The following KALRN variants were observed in gnomAD, a reference collection of about 807,000 sequenced individuals.
The protein encoded by KALRN is kalirin RhoGEF kinase, also known as kalirin.
A neutral mutation model predicts 353.7 loss-of-function variants in KALRN; 70 were observed. The ratio of observed to expected loss-of-function variants is 0.20; its 90% CI spans 0.16 to 0.24. The LOEUF (loss-of-function observed/expected upper bound fraction) is 0.24. KALRN is among the 10% of genes least tolerant of loss of function. The pLI is 1.00. For missense variants in KALRN, 2,791 were observed against 3,756.7 expected, an observed-to-expected ratio of 0.74 and a Z score of 6.72; for synonymous variants, 1,391 against 1,434.8, an observed-to-expected ratio of 0.97 and a Z score of 0.69.
chr3:124,395,054 T>G, intron 11 of KALRN, 81 bp from the exon 12 acceptor site: 1 of 1,077,548 alleles, frequency 9.3e-7, no homozygotes, highest in African/African-American at 1.5e-5. Flanking sequence ...GTTGGGTGAT[T>G]CCAGTCTAGC....
intron 14 of KALRN, among the ~76,000 whole-genome samples, chr3:124,415,103 G>C (rs561580414): frequency 1.3e-5 from 2 of 152,326 alleles, no homozygotes; most frequent in African/African-American, 4.8e-5. Flanking sequence ...ACCCAGGCCT[G>C]TTTCACAGGT....
At chr3:124,286,130 T>TCTTTCTTTCTTTC (rs1560463497) in intron 5 of KALRN, among the ~76,000 whole-genome samples, 1 of 149,526 alleles carries the variant, frequency 6.7e-6, no homozygotes, top group South Asian at 2.1e-4. Flanking sequence ...TTTCTTTCTT[T>TCTTTCTTTCTTTC]CTTTCTTTCC....
At chr3:124,238,719 G>C (rs1579860724) in intron 3 of KALRN, among the ~76,000 whole-genome samples, 1 of 152,190 alleles carries the variant, frequency 6.6e-6, no homozygotes, top group African/African-American at 2.4e-5. Flanking sequence ...TTCGACTCCA[G>C]GTGGAAATTT....
At chr3:124,376,733 C>G (rs1019581463) in intron 10 of KALRN, among the ~76,000 whole-genome samples, 1 of 152,128 alleles carries the variant, frequency 6.6e-6, no homozygotes, top group African/African-American at 2.4e-5. Flanking sequence ...AAATGTGACA[C>G]CTTACTGCTG....
At chr3:124,533,322 C>T (rs2068216010) in intron 33 of KALRN, among the ~76,000 whole-genome samples, 1 of 152,110 alleles carries the variant, frequency 6.6e-6, no homozygotes, top group African/African-American at 2.4e-5. Flanking sequence ...TTTTCTCTCT[C>T]ATTTATTTAT....
intron 15 of KALRN, among the ~76,000 whole-genome samples, chr3:124,429,633 T>G (rs1015898364): frequency 6.6e-5 from 10 of 152,212 alleles, no homozygotes; most frequent in African/African-American, 9.6e-5. Flanking sequence ...CTGACTTTAT[T>G]AGCTGGATAA....
chr3:124,185,579 T>G (rs2074118093), intron 1 of KALRN, among the ~76,000 whole-genome samples: 1 of 152,250 alleles, frequency 6.6e-6, no homozygotes, highest in Non-Finnish European at 1.5e-5. Flanking sequence ...CAGGTCTGTC[T>G]GGTGCTGACT....
At chr3:124,706,885 A>G (rs569214163) in intron 57 of KALRN, among the ~76,000 whole-genome samples, 23 of 152,102 alleles carry the variant, frequency 1.5e-4, no homozygotes, top group African/African-American at 5.5e-4. Context: ...ACACGTTTTT[A>G]TTCCTGAACT....
intron 10 of KALRN, among the ~76,000 whole-genome samples, chr3:124,355,121 A>G (rs1581277862): frequency 6.6e-6 from 1 of 152,238 alleles, no homozygotes; most frequent in African/African-American, 2.4e-5. Context: ...AAAGGGTTCT[A>G]TGTGGTAGAA....
At chr3:124,623,905 T>C (rs2079618270) in intron 34 of KALRN, among the ~76,000 whole-genome samples, 1 of 152,176 alleles carries the variant, frequency 6.6e-6, no homozygotes, top group Non-Finnish European at 1.5e-5. Context: ...TATTCTGATT[T>C]TTGTCTTCAG....
chr3:124,486,857 G>A (rs1468264449), intron 28 of KALRN, among the ~76,000 whole-genome samples: 1 of 152,170 alleles, frequency 6.6e-6, no homozygotes, highest in African/African-American at 2.4e-5. Context: ...TAGTTGCATA[G>A]CTTATGTGAC....
chr3:124,233,137 G>A (rs962330983), intron 2 of KALRN, among the ~76,000 whole-genome samples: 1 of 152,056 alleles, frequency 6.6e-6, no homozygotes, highest in African/African-American at 2.4e-5. Context: ...TTGGAGCTGT[G>A]GTTCCTTGTG....
intron 34 of KALRN, among the ~76,000 whole-genome samples, chr3:124,607,803 A>G (rs1405737841): frequency 6.6e-6 from 1 of 151,920 alleles, no homozygotes; most frequent in Non-Finnish European, 1.5e-5. Context: ...TTTAGTAGAG[A>G]CACGTTGACC....
chr3:124,530,645 A>G (rs2067962756), intron 33 of KALRN, among the ~76,000 whole-genome samples: 1 of 152,070 alleles, frequency 6.6e-6, no homozygotes, highest in South Asian at 2.1e-4. Context: ...CAGCCTCCCA[A>G]AGTGCGAGGA....
intron 1 of KALRN, among the ~76,000 whole-genome samples, chr3:124,128,338 C>T (rs1303466353): frequency 6.6e-6 from 1 of 152,236 alleles, no homozygotes; most frequent in Non-Finnish European, 1.5e-5. Flanking sequence ...GGCCATTCCT[C>T]ACCCCTCTCT....
chr3:124,511,701 G>A (rs1358849395), intron 33 of KALRN, among the ~76,000 whole-genome samples: 3 of 152,282 alleles, frequency 2.0e-5, no homozygotes, highest in South Asian at 2.1e-4. Context: ...TTTCCAGTAC[G>A]TGTGTGATCA....
intron 1 of KALRN, among the ~76,000 whole-genome samples, chr3:124,210,384 AC>A (rs2076798437): frequency 6.6e-6 from 1 of 152,182 alleles, no homozygotes; most frequent in South Asian, 2.1e-4. Flanking sequence ...TTTTAATGGC[AC>A]ATAAACTAAT....
rs908987761 is a variant in KALRN, at chr3:124,334,680, A to G, written c.1647+185A>G. ...AACAAAAACTGGACCTGTGAATTGC[A>G]TATTTCTTGCCTAAGTGACTGTATA... On this transcript the variant is annotated intron_variant, in intron 9 of 59. Coordinates refer to ENST00000682506, the MANE Select transcript of KALRN (RefSeq NM_001388419.1). The surrounding 1 kb of genome is among the most constrained non-coding windows in gnomAD (Gnocchi z 4.2). Among the ~76,000 whole-genome samples, 7 of 152,202 alleles carry G rather than the reference A, an allele frequency of 4.6e-5. No homozygotes were observed. Among genetic ancestry groups the G allele is most frequent in the African/African-American group, 1.7e-4 (7 of 41,456 alleles).
At chr3:124,152,058 G>T in intron 1 of KALRN, 1 of 1,376,076 alleles carries the variant, frequency 7.3e-7, no homozygotes, top group East Asian at 2.3e-5. Context: ...CTGTCTCATG[G>T]AGAAGATAAT....
Sources: allele counts gnomAD v4.1 joint callset (sites outside exome capture counted in the v4.1 genomes callset), GRCh38; gene constraint gnomAD v4.1.1; non-coding constraint Gnocchi (gnomAD v3.1); transcripts MANE v1.5; gene names NCBI Gene and HGNC (gene_info 2026-07-23, HGNC 2026-07-21).